Variants in AGBL4 observed in about 807,000 individuals in gnomAD.
The protein encoded by AGBL4 is AGBL carboxypeptidase 4, also known as cytosolic carboxypeptidase 6.
A neutral mutation model predicts 66.4 loss-of-function variants in AGBL4; 58 were observed. The ratio of observed to expected loss-of-function variants is 0.87; its 90% CI spans 0.71 to 1.09. The LOEUF (loss-of-function observed/expected upper bound fraction) is 1.09. Among genes scored for constraint, AGBL4 ranks in the 50% least tolerant of loss-of-function variants. The pLI, the probability that AGBL4 is intolerant of heterozygous loss-of-function variation, is 0.00. For missense variants in AGBL4, 579 were observed against 631.0 expected, an observed-to-expected ratio of 0.92 and a Z score of 0.88; for synonymous variants, 234 against 222.9, an observed-to-expected ratio of 1.05 and a Z score of -0.44.
chr1:49,046,036 C>G (rs1054969937), intron 4 of AGBL4, among the ~76,000 whole-genome samples: 1 of 152,084 alleles, frequency 6.6e-6, no homozygotes, highest in Non-Finnish European at 1.5e-5. Context: ...CAAAGTTAAA[C>G]AAAAATAGAC....
intron 2 of AGBL4, among the ~76,000 whole-genome samples, chr1:49,738,650 C>G (rs970214789): frequency 6.6e-6 from 1 of 152,164 alleles, no homozygotes; most frequent in Non-Finnish European, 1.5e-5. Flanking sequence ...CTGGGAGGCA[C>G]CCCCCAGTAG....
chr1:48,964,675 T>C (rs1357414580), intron 5 of AGBL4, among the ~76,000 whole-genome samples: 1 of 152,170 alleles, frequency 6.6e-6, no homozygotes, highest in Non-Finnish European at 1.5e-5. Flanking sequence ...CCAAAAGCCA[T>C]TTTATTATTA....
At chr1:49,276,317 A>G (rs1644167160) in intron 3 of AGBL4, among the ~76,000 whole-genome samples, 1 of 152,218 alleles carries the variant, frequency 6.6e-6, no homozygotes, top group South Asian at 2.1e-4. Flanking sequence ...GCCTATCTGT[A>G]CCTAACAATC....
At chr1:49,692,509 G>A (rs1646908442) in intron 3 of AGBL4, among the ~76,000 whole-genome samples, 1 of 152,050 alleles carries the variant, frequency 6.6e-6, no homozygotes, top group South Asian at 2.1e-4. Context: ...ACGAGGTCAG[G>A]AGATCGAGAC....
chr1:49,077,558 G>A (rs1644734164), intron 4 of AGBL4, among the ~76,000 whole-genome samples: 1 of 152,084 alleles, frequency 6.6e-6, no homozygotes, highest in African/African-American at 2.4e-5. Flanking sequence ...TCAAGTACAT[G>A]GATGATGGCT....
chr1:48,893,703 T>C (rs369585324), intron 5 of AGBL4, among the ~76,000 whole-genome samples: 4 of 22,252 alleles, frequency 1.8e-4, no homozygotes, highest in East Asian at 2.2e-3. Context: ...AATAAATAAA[T>C]AAAAAGATAA....
chr1:48,615,079 G>C (rs907037149), intron 9 of AGBL4, among the ~76,000 whole-genome samples: 3 of 152,158 alleles, frequency 2.0e-5, no homozygotes, highest in African/African-American at 7.2e-5. Flanking sequence ...CCAATCAGAG[G>C]GGAGTTTGTG....
chr1:49,361,951 C>A (rs1269774391), intron 3 of AGBL4, among the ~76,000 whole-genome samples: 2 of 152,134 alleles, frequency 1.3e-5, no homozygotes, highest in African/African-American at 4.8e-5. Context: ...TATCTCAAAT[C>A]TATATCAAAA....
chr1:49,986,214 C>G (rs968162581), intron 1 of AGBL4, among the ~76,000 whole-genome samples: 19 of 152,022 alleles, frequency 1.2e-4, no homozygotes, highest in African/African-American at 4.6e-4. Context: ...TCATCTTGCC[C>G]CTTCCCAATC....
intron 5 of AGBL4, among the ~76,000 whole-genome samples, chr1:48,987,667 A>C (rs1660283273): frequency 6.6e-6 from 1 of 152,144 alleles, no homozygotes. Flanking sequence ...CCTAATTGAC[A>C]CTTATAGAAC....
At chr1:48,602,011 A>G (rs999799208) in intron 9 of AGBL4, among the ~76,000 whole-genome samples, 2 of 152,186 alleles carry the variant, frequency 1.3e-5, no homozygotes, top group Non-Finnish European at 2.9e-5. Context: ...TTAATTTGAT[A>G]ATTAAAAGTT....
At chr1:48,673,169 G>A (rs1305217359) in intron 6 of AGBL4, among the ~76,000 whole-genome samples, 3 of 152,146 alleles carry the variant, frequency 2.0e-5, no homozygotes, top group African/African-American at 2.4e-5. Flanking sequence ...ACACATCTGC[G>A]TCTGACTGAA....
At chr1:49,380,706 G>C (rs1298245623) in intron 3 of AGBL4, among the ~76,000 whole-genome samples, 2 of 152,012 alleles carry the variant, frequency 1.3e-5, no homozygotes, top group East Asian at 3.8e-4. Flanking sequence ...CTGCAACTAT[G>C]TGATCTTTGA....
intron 3 of AGBL4, among the ~76,000 whole-genome samples, chr1:49,503,910 G>A (rs1648435277): frequency 6.6e-6 from 1 of 152,116 alleles, no homozygotes; most frequent in Non-Finnish European, 1.5e-5. Context: ...AATGCATGAA[G>A]ACTTTGGTAG....
At chr1:48,712,354 C>T (rs1438369748) in intron 6 of AGBL4, among the ~76,000 whole-genome samples, 1 of 152,190 alleles carries the variant, frequency 6.6e-6, no homozygotes, top group African/African-American at 2.4e-5. Context: ...CCTTTTCTAA[C>T]CTGCTTGCCC....
At chr1:48,644,560 G>C (rs1348876105) in intron 8 of AGBL4, among the ~76,000 whole-genome samples, 1 of 152,202 alleles carries the variant, frequency 6.6e-6, no homozygotes, top group African/African-American at 2.4e-5. Context: ...GAAAAAAGAA[G>C]AGAGGGAAGA....
At chr1:49,041,662 A>G (rs1297565712) in intron 5 of AGBL4, among the ~76,000 whole-genome samples, 1 of 152,034 alleles carries the variant, frequency 6.6e-6, no homozygotes, top group Non-Finnish European at 1.5e-5. Flanking sequence ...AGTTCTGCCT[A>G]CTCTACAAAA....
At chr1:48,697,129 G>A (rs1646724502) in intron 6 of AGBL4, among the ~76,000 whole-genome samples, 5 of 152,026 alleles carry the variant, frequency 3.3e-5, no homozygotes, top group Admixed American at 2.6e-4. Flanking sequence ...GCCAGTAGAG[G>A]ATTCAGCTGC....
At chr1:49,845,959 C>G in intron 2 of AGBL4, 1 of 1,551,326 alleles carries the variant, frequency 6.4e-7, no homozygotes, top group South Asian at 1.1e-5. Context: ...ACAGCTTGTC[C>G]CTCACCAAAC....
Sources: gnomAD v4.1 joint callset for allele counts (sites outside exome capture counted in the v4.1 genomes callset) on GRCh38, gnomAD v4.1.1 for gene constraint, MANE v1.5 for transcripts, NCBI Gene and HGNC (gene_info 2026-07-23, HGNC 2026-07-21) for gene names.